Variants in UBE3D observed in about 807,000 individuals in gnomAD.
The protein encoded by UBE3D is ubiquitin protein ligase E3D.
In UBE3D, 48 loss-of-function variants were observed where a neutral mutation model predicts 49.6. That is an observed-to-expected ratio of 0.97 (90% confidence interval 0.77 to 1.23). The LOEUF (loss-of-function observed/expected upper bound fraction) is 1.23. Ranked by LOEUF, UBE3D falls within the 50% of genes most tolerant of loss-of-function variation. The pLI is 0.00. For synonymous variants in UBE3D, 189 were observed against 174.2 expected, an observed-to-expected ratio of 1.08 and a Z score of -0.67; for missense variants, 452 against 468.4, an observed-to-expected ratio of 0.96 and a Z score of 0.32.
intron 9 of UBE3D, among the ~76,000 whole-genome samples, chr6:82,948,316 A>C (rs1284774468): frequency 6.6e-6 from 1 of 151,988 alleles, no homozygotes; most frequent in Non-Finnish European, 1.5e-5. Context: ...ACCATGTACC[A>C]AAACTGAACC....
chr6:83,029,498 T>C lies in UBE3D; in HGVS notation c.668-5460A>G, dbSNP rs970963806. Among the ~76,000 whole-genome samples the C allele has an allele frequency of 1.7e-4, 26 of 152,294 alleles. 1 individual carries two copies. The highest frequency in any genetic ancestry group is 8.5e-4 in the Admixed American group (13 of 15,288). ...GAGATTTGCTATCTGTTCAAAGCTTTTCTTAAAAAGTTATTTGCCATATTT... is the reference window on the plus strand; with the variant it reads ...GAGATTTGCTATCTGTTCAAAGCTTCTCTTAAAAAGTTATTTGCCATATTT... On this transcript the variant is annotated intron_variant, in intron 5 of 9. Coordinates refer to ENST00000369747, the MANE Select transcript of UBE3D (RefSeq NM_198920.3).
chr6:82,996,706 C>T (rs543464066), intron 8 of UBE3D, among the ~76,000 whole-genome samples: 1 of 152,158 alleles, frequency 6.6e-6, no homozygotes, highest in African/African-American at 2.4e-5. Context: ...TCTCCAAACC[C>T]ACAACCCAGT....
intron 9 of UBE3D, among the ~76,000 whole-genome samples, chr6:82,935,668 G>C (rs1774517126): frequency 6.6e-6 from 1 of 152,018 alleles, no homozygotes; most frequent in Non-Finnish European, 1.5e-5. Flanking sequence ...AGGCCAGCAG[G>C]AAAAAGAAAG....
intron 9 of UBE3D, among the ~76,000 whole-genome samples, chr6:82,947,127 A>T (rs1775464158): frequency 6.6e-6 from 1 of 151,996 alleles, no homozygotes; most frequent in Admixed American, 6.6e-5. Flanking sequence ...TGTCAATGGA[A>T]ACCAAAAAAG....
At chr6:82,902,654 A>C (rs1771822014) in intron 9 of UBE3D, among the ~76,000 whole-genome samples, 1 of 152,192 alleles carries the variant, frequency 6.6e-6, no homozygotes. Flanking sequence ...AAAGTGCAAC[A>C]GGAGGGATTC....
At chr6:83,060,228 C>G (rs1040004804) in intron 1 of UBE3D, among the ~76,000 whole-genome samples, 1 of 152,028 alleles carries the variant, frequency 6.6e-6, no homozygotes, top group Non-Finnish European at 1.5e-5. Flanking sequence ...CAACAATGAG[C>G]AGGGGGAGGT....
chr6:82,883,473 A>T, the UBE3D span, among the ~76,000 whole-genome samples: 2 of 152,206 alleles, frequency 1.3e-5, no homozygotes, highest in African/African-American at 4.8e-5. Context: ...AGGATTAAGA[A>T]GATGAATAAA....
intron 8 of UBE3D, among the ~76,000 whole-genome samples, chr6:82,959,649 A>G (rs1401832750): frequency 6.8e-6 from 1 of 146,876 alleles, no homozygotes; most frequent in East Asian, 2.1e-4. Flanking sequence ...TAAGGCACCA[A>G]GTGATCTTAA....
intron 9 of UBE3D, among the ~76,000 whole-genome samples, chr6:82,905,149 A>G (rs976036791): frequency 6.6e-6 from 1 of 152,206 alleles, no homozygotes; most frequent in African/African-American, 2.4e-5. Flanking sequence ...ATACAGGCAC[A>G]TCTCACTTAT....
At chr6:83,023,787 G>C (rs1449766864) in intron 6 of UBE3D, among the ~76,000 whole-genome samples, 182 bp downstream of exon 6, 1 of 152,178 alleles carries the variant, frequency 6.6e-6, no homozygotes, top group Non-Finnish European at 1.5e-5. Context: ...ACAGTGAACA[G>C]TGCTTGTGTG....
intron 8 of UBE3D, among the ~76,000 whole-genome samples, chr6:82,961,405 C>T (rs1168322967): frequency 6.6e-6 from 1 of 152,112 alleles, no homozygotes; most frequent in African/African-American, 2.4e-5. Flanking sequence ...TGTCTCTAAT[C>T]CTAAAGCAGC....
At chr6:82,913,419 T>C (rs1340750568) in intron 9 of UBE3D, among the ~76,000 whole-genome samples, 4 of 152,240 alleles carry the variant, frequency 2.6e-5, no homozygotes, top group Admixed American at 2.0e-4. Context: ...GATAACTAGG[T>C]TGTAAAAGAA....
intron 9 of UBE3D, among the ~76,000 whole-genome samples, chr6:82,931,586 G>T (rs930726424): frequency 3.9e-5 from 6 of 152,210 alleles, no homozygotes; most frequent in African/African-American, 1.4e-4. Context: ...AGTCAAAGGA[G>T]ATCATTTTGG....
intron 9 of UBE3D, among the ~76,000 whole-genome samples, chr6:82,911,194 G>T (rs1772478446): frequency 1.7e-5 from 1 of 57,384 alleles, no homozygotes; most frequent in African/African-American, 1.3e-4. Flanking sequence ...AGAACATTTT[G>T]GCAAAAAAAA....
chr6:82,931,512 C>G (rs1170985624), intron 9 of UBE3D, among the ~76,000 whole-genome samples: 1 of 152,236 alleles, frequency 6.6e-6, no homozygotes, highest in Non-Finnish European at 1.5e-5. Flanking sequence ...GCCACAGGGA[C>G]AGAGCTGCCC....
At chr6:82,907,631 AT>A (rs1772198493) in intron 9 of UBE3D, among the ~76,000 whole-genome samples, 1 of 152,326 alleles carries the variant, frequency 6.6e-6, no homozygotes, top group African/African-American at 2.4e-5. Flanking sequence ...GGAAATGCAA[AT>A]GAAAATCATA....
In UBE3D at chr6:83,031,070, C is replaced by T. The variant is rs193078538; in HGVS notation, c.668-7032G>A. On this transcript the variant is annotated intron_variant, in intron 5 of 9. Transcript: ENST00000369747. ...TTGCCCAGGCTGGAGTGCAGTGGTG[C>T]GATATCAGCTCACTGCAACCTCTGC... Among the ~76,000 whole-genome samples the T allele has an allele frequency of 4.3e-3, 661 of 152,080 alleles. 3 individuals carry two copies. The highest frequency in any genetic ancestry group is 6.2e-3 in the Non-Finnish European group (419 of 67,998).
At chr6:82,947,495 T>C (rs1775488525) in intron 9 of UBE3D, among the ~76,000 whole-genome samples, 1 of 151,206 alleles carries the variant, frequency 6.6e-6, no homozygotes, top group South Asian at 2.1e-4. Context: ...AGAATACATA[T>C]TTTTTAAATT....
chr6:82,892,947 G>A lies in UBE3D; in HGVS notation c.*75C>T, dbSNP rs1041489150. 6.4e-7 allele frequency: 1 copy of A among 1,553,882 alleles called. No individual in the cohort carries two copies. Among genetic ancestry groups the A allele is most frequent in the Non-Finnish European group, 8.9e-7 (1 of 1,126,190 alleles). On this transcript the variant is annotated 3_prime_UTR_variant, in exon 10 of 10. Transcript: ENST00000369747. ...CTTGTCTTTGTAATTGATGCCTCCTGAGCTGACTGCTGGCCTCGGTGTGCT... is the reference window on the plus strand; with the variant it reads ...CTTGTCTTTGTAATTGATGCCTCCTAAGCTGACTGCTGGCCTCGGTGTGCT...
Sources: allele counts gnomAD v4.1 joint callset (sites outside exome capture counted in the v4.1 genomes callset), GRCh38; gene constraint gnomAD v4.1.1; transcripts MANE v1.5; gene names NCBI Gene and HGNC (gene_info 2026-07-23, HGNC 2026-07-21).